BICC1: variants seen among roughly 807,000 people sequenced by gnomAD.
BICC1 encodes BicC family RNA binding protein 1, also known as protein bicaudal C homolog 1.
BICC1 carries 43 observed loss-of-function variants against 111.0 expected under a neutral mutation model. That is an observed-to-expected ratio of 0.39 (90% CI 0.30 to 0.50). The LOEUF (loss-of-function observed/expected upper bound fraction) is 0.50, where lower values mean the gene tolerates loss of function less well. BICC1 is among the 20% of genes least tolerant of loss of function. The probability of loss-of-function intolerance (pLI) is 0.88; values close to 1 mark genes in which losing one functional copy is unlikely to be tolerated. For synonymous variants in BICC1, 467 were observed against 434.4 expected, an observed-to-expected ratio of 1.07 and a Z score of -0.93; for missense variants, 1,091 against 1,203.2, an observed-to-expected ratio of 0.91 and a Z score of 1.38.
In BICC1 at chr10:58,786,930, G is replaced by A. The variant is rs776915414; in HGVS notation, c.395G>A (p.Arg132Gln). The A allele has an allele frequency of 7.6e-6, 12 of 1,579,624 alleles. No homozygotes were observed. Among genetic ancestry groups the A allele is most frequent in the African/African-American group, 2.8e-5 (2 of 72,300 alleles). Residue 132 changes from arginine (R) to glutamine (Q), a missense_variant, in exon 5 of 21, where the codon CGA (arginine) becomes CAA (glutamine). By Grantham distance (43) the Arg-to-Gln change is conservative. Coordinates refer to ENST00000373886, the MANE Select transcript of BICC1 (RefSeq NM_001080512.3). ...IMSVLDTKSN[R>Q]VTLKMDVSHT... ...TACATTATTTTCACATAGAGCAATC[G>A]AGTCACACTGAAGATGGATGTTTCA... is the stretch of plus-strand genomic sequence containing the variant.
At chr10:58,734,879 G>A (rs1331523224) in intron 3 of BICC1, among the ~76,000 whole-genome samples, 2 of 152,160 alleles carry the variant, frequency 1.3e-5, no homozygotes, top group Non-Finnish European at 2.9e-5. Flanking sequence ...GCAGCAGAAA[G>A]AGTCAGCCTT....
intron 1 of BICC1, among the ~76,000 whole-genome samples, chr10:58,556,653 A>T (rs547180842): frequency 6.6e-6 from 1 of 152,052 alleles, no homozygotes; most frequent in East Asian, 1.9e-4. Flanking sequence ...TTACAATATT[A>T]TCATTATGTA....
intron 20 of BICC1, chr10:58,823,860 T>A: frequency 3.0e-6 from 3 of 985,094 alleles, no homozygotes; most frequent in Non-Finnish European, 3.6e-6. Context: ...TATTCAATTC[T>A]GTCTTGATTT....
At chr10:58,804,172 AT>A (rs201997018) in intron 15 of BICC1, among the ~76,000 whole-genome samples, 2 of 151,604 alleles carry the variant, frequency 1.3e-5, no homozygotes, top group Admixed American at 6.6e-5. Flanking sequence ...TTTTCGATGA[AT>A]TTTTTTTTAA....
chr10:58,539,493 C>T lies in BICC1; in HGVS notation c.190+26160C>T, dbSNP rs1297920587. On this transcript the variant is annotated intron_variant, in intron 1 of 20. Coordinates refer to ENST00000373886, the MANE Select transcript of BICC1 (RefSeq NM_001080512.3). ...TAGACTTCTCCATGGTACCGTTCAT[C>T]CATGTAACCAAAAAATCACTCATAC... Among the ~76,000 whole-genome samples, 5 of 151,346 alleles carry T rather than the reference C, an allele frequency of 3.3e-5. No homozygotes were observed. The East Asian group carries it at 9.8e-4, about 30-fold the overall frequency.
At chr10:58,699,008 G>T (rs1001759927) in intron 2 of BICC1, among the ~76,000 whole-genome samples, 1 of 152,232 alleles carries the variant, frequency 6.6e-6, no homozygotes, top group South Asian at 2.1e-4. Context: ...CTTCATGAAT[G>T]ATCCAAAGAG....
At chr10:58,622,017 A>C (rs1190118561) in intron 2 of BICC1, among the ~76,000 whole-genome samples, 1 of 151,816 alleles carries the variant, frequency 6.6e-6, no homozygotes, top group Non-Finnish European at 1.5e-5. Flanking sequence ...CCACAAAAAC[A>C]AACAAAAAAC....
intron 2 of BICC1, among the ~76,000 whole-genome samples, chr10:58,622,747 C>CA (rs1845860430): frequency 6.6e-6 from 1 of 152,196 alleles, no homozygotes; most frequent in African/African-American, 2.4e-5. Context: ...CAGAAGTAGA[C>CA]ATTATGGTTC....
intron 2 of BICC1, among the ~76,000 whole-genome samples, chr10:58,631,395 C>CT (rs986338925): frequency 1.3e-4 from 19 of 150,268 alleles, no homozygotes; most frequent in South Asian, 8.4e-4. Context: ...TTTTTTCTTT[C>CT]TTTTTTTTTA....
chr10:58,686,688 T>C (rs991915660), intron 2 of BICC1, among the ~76,000 whole-genome samples: 2 of 152,202 alleles, frequency 1.3e-5, no homozygotes, highest in African/African-American at 4.8e-5. Flanking sequence ...ATGCGTCATG[T>C]AGTTCTTGTG....
chr10:58,542,055 G>A (rs1171796193), intron 1 of BICC1, among the ~76,000 whole-genome samples: 1 of 151,422 alleles, frequency 6.6e-6, no homozygotes, highest in Non-Finnish European at 1.5e-5. Context: ...GGAGGCTAAG[G>A]TGGGAGAATT....
intron 14 of BICC1, 62 bp downstream of exon 14, chr10:58,801,108 C>T (rs1297944403): frequency 7.1e-7 from 1 of 1,403,190 alleles, no homozygotes; most frequent in East Asian, 2.6e-5. Flanking sequence ...TTGTTCTCAA[C>T]TCTATAGTTA....
intron 3 of BICC1, among the ~76,000 whole-genome samples, chr10:58,732,044 CTGTT>C (rs1309029663): frequency 6.6e-6 from 1 of 152,080 alleles, no homozygotes; most frequent in Non-Finnish European, 1.5e-5. Flanking sequence ...ACTTGGCCAA[CTGTT>C]TGGTTTAAGA....
intron 2 of BICC1, among the ~76,000 whole-genome samples, chr10:58,669,949 G>T (rs541277398): frequency 2.2e-4 from 34 of 152,078 alleles, no homozygotes; most frequent in Non-Finnish European, 4.7e-4. Context: ...CTTAATAAAA[G>T]TGAAGATGTG....
At chr10:58,800,054 G>T in intron 12 of BICC1, 140 bp from the exon 13 acceptor site, 3 of 612,324 alleles carry the variant, frequency 4.9e-6, no homozygotes, top group Non-Finnish European at 8.6e-6. Flanking sequence ...TCTCCTTGTA[G>T]ATATATTTCA....
intron 1 of BICC1, among the ~76,000 whole-genome samples, chr10:58,550,981 A>G (rs989355884): frequency 2.0e-5 from 3 of 152,146 alleles, no homozygotes; most frequent in South Asian, 2.1e-4. Flanking sequence ...AACATTCCAC[A>G]TCCTGTTTGT....
chr10:58,780,427 G>A (rs908645954), intron 3 of BICC1, among the ~76,000 whole-genome samples: 2 of 152,170 alleles, frequency 1.3e-5, no homozygotes, highest in Non-Finnish European at 2.9e-5. Flanking sequence ...GACATACTGT[G>A]AATTTAGGGG....
At chr10:58,680,919 G>A (rs1328605646) in intron 2 of BICC1, among the ~76,000 whole-genome samples, 2 of 152,228 alleles carry the variant, frequency 1.3e-5, no homozygotes, top group African/African-American at 4.8e-5. Flanking sequence ...ACAAGCAATG[G>A]TGAAAGGATT....
chr10:58,571,871 G>A (rs750091551), intron 1 of BICC1, among the ~76,000 whole-genome samples: 20 of 152,038 alleles, frequency 1.3e-4, no homozygotes, highest in African/African-American at 2.2e-4. Context: ...TTATTGTGTC[G>A]AATGGTATTT....
Sources: gnomAD v4.1 joint callset for allele counts (sites outside exome capture counted in the v4.1 genomes callset) on GRCh38, gnomAD v4.1.1 for gene constraint, MANE v1.5 for transcripts, NCBI Gene and HGNC (gene_info 2026-07-23, HGNC 2026-07-21) for gene names.